CSMD1: variants seen among roughly 807,000 people sequenced by gnomAD.
CSMD1 encodes CUB and Sushi multiple domains 1.
In CSMD1, 213 loss-of-function variants were observed where a neutral mutation model predicts 417.5. That is an observed-to-expected ratio of 0.51 (90% CI 0.46 to 0.57). The LOEUF is 0.57. Among genes scored for constraint, CSMD1 ranks in the 20% least tolerant of loss-of-function variants. The pLI, the probability that CSMD1 is intolerant of heterozygous loss-of-function variation, is 0.00. For synonymous variants in CSMD1, 2,862 were observed against 1,736.8 expected, an observed-to-expected ratio of 1.65 and a Z score of -16.11; for missense variants, 6,923 against 4,529.7, an observed-to-expected ratio of 1.53 and a Z score of -15.17.
intron 5 of CSMD1, among the ~76,000 whole-genome samples, chr8:3,853,250 G>T (rs574048274): frequency 1.3e-5 from 2 of 152,250 alleles, no homozygotes; most frequent in East Asian, 3.9e-4. Flanking sequence ...ATTCATTCCT[G>T]AGGCTCAGGA....
chr8:3,616,940 C>T (rs555371888), intron 7 of CSMD1, 143 bp from the exon 8 acceptor site: 45 of 511,672 alleles, frequency 8.8e-5, no homozygotes, highest in African/African-American at 7.7e-4. Context: ...ACCTTAAATA[C>T]ATTCAAATAA....
At chr8:4,831,049 C>T (rs1323510361) in intron 1 of CSMD1, among the ~76,000 whole-genome samples, 3 of 152,156 alleles carry the variant, frequency 2.0e-5, no homozygotes. Context: ...CTACCCTTTA[C>T]TTCAACTCCA....
At chr8:3,893,339 T>TTATATAGATATATATATATATATATATA (rs1807114199) in intron 5 of CSMD1, among the ~76,000 whole-genome samples, 1 of 80,440 alleles carries the variant, frequency 1.2e-5, no homozygotes, top group African/African-American at 3.6e-5. Flanking sequence ...ATTCACAATT[T>TTATATAGATATATATATATATATATATA]TATATATATA....
intron 3 of CSMD1, among the ~76,000 whole-genome samples, chr8:4,344,542 G>A (rs1800671953): frequency 6.7e-6 from 1 of 150,256 alleles, no homozygotes; most frequent in African/African-American, 2.4e-5. Context: ...AAATAAATAG[G>A]TATATAAGAA....
At chr8:3,986,660 G>C (rs560625173) in intron 5 of CSMD1, among the ~76,000 whole-genome samples, 48 of 152,192 alleles carry the variant, frequency 3.2e-4, no homozygotes, top group Middle Eastern at 3.4e-3. Flanking sequence ...TATACCATGA[G>C]ATATGAGGGA....
intron 2 of CSMD1, among the ~76,000 whole-genome samples, chr8:4,438,646 T>A (rs1469121160): frequency 1.3e-5 from 2 of 152,236 alleles, no homozygotes; most frequent in African/African-American, 4.8e-5. Flanking sequence ...CATGGAGTAG[T>A]ATTTACTTGG....
intron 7 of CSMD1, among the ~76,000 whole-genome samples, chr8:3,623,986 C>T (rs370286056): frequency 2.4e-4 from 36 of 150,684 alleles, no homozygotes; most frequent in African/African-American, 8.5e-4. Context: ...AAAAACAAAA[C>T]AAAACAAAAA....
At chr8:3,297,888 ACC>A (rs1190260737) in intron 25 of CSMD1, among the ~76,000 whole-genome samples, 25 of 152,248 alleles carry the variant, frequency 1.6e-4, no homozygotes, top group Admixed American at 1.4e-3. Context: ...GGAATTAAAA[ACC>A]TGTGTTTATC....
intron 12 of CSMD1, among the ~76,000 whole-genome samples, chr8:3,453,586 G>T (rs903988356): frequency 6.6e-6 from 1 of 152,178 alleles, no homozygotes; most frequent in African/African-American, 2.4e-5. Context: ...AGTCATTGAG[G>T]AGCAGGTTGT....
chr8:3,474,311 C>G (rs533896464), intron 11 of CSMD1, among the ~76,000 whole-genome samples: 1 of 151,712 alleles, frequency 6.6e-6, no homozygotes, highest in Non-Finnish European at 1.5e-5. Context: ...GGACAATAAA[C>G]AATGCAATAG....
At chr8:3,515,444 G>A (rs772161677) in intron 10 of CSMD1, 1 of 152,186 alleles carries the variant, frequency 6.6e-6, no homozygotes, top group South Asian at 2.1e-4. Context: ...GCTAACTAGA[G>A]ATTTGCAAGA....
intron 2 of CSMD1, among the ~76,000 whole-genome samples, chr8:4,609,458 T>C (rs2466731): frequency 0.46 from 69,176 of 152,020 alleles, 16,191 homozygotes; most frequent in African/African-American, 0.57. Context: ...GCTGGGGTAT[T>C]TTGTTATGTT....
intron 5 of CSMD1, among the ~76,000 whole-genome samples, chr8:3,935,116 C>T (rs1810394519): frequency 6.6e-6 from 1 of 152,114 alleles, no homozygotes; most frequent in South Asian, 2.1e-4. Context: ...CCTTCTCACA[C>T]ATTTTCTCTG....
At position 4,350,940 on chromosome 8, in the gene CSMD1, C is replaced by G. The variant is rs563910204; in HGVS notation, c.415+69013G>C. On this transcript the variant is annotated intron_variant, in intron 3 of 69. Transcript: ENST00000635120. ...ACAGGACCGCCTTCCTTGACACATA[C>G]TTGCTTTCTGCAAGTCATCGTTTAA... is the stretch of plus-strand genomic sequence containing the variant. 3.3e-5 allele frequency among the ~76,000 whole-genome samples: 5 copies of G among 152,264 alleles called. No individual in the cohort carries two copies. In the South Asian group the frequency reaches 8.3e-4, roughly 25 times the overall value.
chr8:4,545,243 T>C (rs991805171), intron 2 of CSMD1, among the ~76,000 whole-genome samples: 4 of 152,224 alleles, frequency 2.6e-5, no homozygotes. Context: ...GGTGCAGTAA[T>C]GTATAGTTAC....
intron 49 of CSMD1, among the ~76,000 whole-genome samples, chr8:3,060,826 G>A (rs1032798828): frequency 6.6e-6 from 1 of 152,124 alleles, no homozygotes; most frequent in Non-Finnish European, 1.5e-5. Flanking sequence ...CCCTATAAAA[G>A]GGCTTTATGG....
At position 3,091,604 on chromosome 8, in the gene CSMD1, T is replaced by A. The variant is rs1034298880; in HGVS notation, c.7197A>T (p.Ser2399=). 19 of 1,611,736 alleles carry A rather than the reference T, an allele frequency of 1.2e-5. No individual in the cohort carries two copies. The highest frequency in any genetic ancestry group is 1.5e-5 in the Non-Finnish European group (18 of 1,179,452). ...ACTGATTACTCCTGCTTGTAAAATT[T>A]GATTGTTCAGTATGATTCCCACTTA... ...VVLSGNHTEQ[S]NFTSRSNQLY... The change falls in exon 48 of 70, where the codon TCA becomes TCT. Residue 2399 remains serine (S), a synonymous_variant. Transcript: ENST00000635120.
In CSMD1 at chr8:4,395,784, G is replaced by C. The variant is rs1041220662; in HGVS notation, c.415+24169C>G. Among the ~76,000 whole-genome samples the C allele has an allele frequency of 2.3e-4, 35 of 152,076 alleles. 2 individuals are homozygous for C. Among genetic ancestry groups the C allele is most frequent in the Admixed American group, 2.0e-3 (31 of 15,264 alleles). ...AAAAAAAATGCTAAGTGGAAGAAGAGAATACAATTCAATTATGCATGTGAA... is the reference window on the plus strand; with the variant it reads ...AAAAAAAATGCTAAGTGGAAGAAGACAATACAATTCAATTATGCATGTGAA... On this transcript the variant is annotated intron_variant, in intron 3 of 69. Transcript: ENST00000635120.
chr8:3,743,214 C>G (rs936331481), intron 6 of CSMD1, among the ~76,000 whole-genome samples: 3 of 152,168 alleles, frequency 2.0e-5, no homozygotes, highest in East Asian at 1.9e-4. Flanking sequence ...AGTGTTCTGC[C>G]CTTTTTTTGT....
Sources: gnomAD v4.1 joint callset for allele counts (sites outside exome capture counted in the v4.1 genomes callset) on GRCh38, gnomAD v4.1.1 for gene constraint, MANE v1.5 for transcripts, NCBI Gene and HGNC (gene_info 2026-07-23, HGNC 2026-07-21) for gene names.